TMED3: variants seen among roughly 807,000 people sequenced by gnomAD.
TMED3 encodes the protein transmembrane emp24 domain-containing protein 3.
A neutral mutation model predicts 15.0 loss-of-function variants in TMED3; 9 were observed. That is an observed-to-expected ratio of 0.60 (90% confidence interval 0.36 to 1.04). The LOEUF is 1.04. TMED3 is among the 50% of genes least tolerant of loss of function. The probability of loss-of-function intolerance (pLI) is 0.01; values close to 1 mark genes in which losing one functional copy is unlikely to be tolerated. For synonymous variants in TMED3, 117 were observed against 121.4 expected (o/e 0.96, Z 0.24); for missense variants, 267 against 278.9 (o/e 0.96, Z 0.30).
chr15:79,388,535 A>G (rs1893656883), intron 2 of TMED3, among the ~76,000 whole-genome samples: 1 of 152,074 alleles, frequency 6.6e-6, no homozygotes, highest in Non-Finnish European at 1.5e-5. Flanking sequence ...TGATTTTGCA[A>G]TTGCAAATTG....
intron 2 of TMED3, among the ~76,000 whole-genome samples, chr15:79,373,656 T>C (rs1014933128): frequency 2.6e-5 from 4 of 152,232 alleles, no homozygotes; most frequent in Non-Finnish European, 4.4e-5. Context: ...GGATTTATTC[T>C]GTGCCAAATA....
chr15:79,402,423 G>T (rs370455738), intron 2 of TMED3, among the ~76,000 whole-genome samples: 1 of 152,234 alleles, frequency 6.6e-6, no homozygotes, highest in Admixed American at 6.5e-5. Flanking sequence ...TAGAGCCAAG[G>T]CTTGGCACTG....
chr15:79,398,419 TC>T (rs59598333), intron 2 of TMED3, among the ~76,000 whole-genome samples: 5,045 of 152,146 alleles, frequency 0.033, 268 homozygotes, highest in African/African-American at 0.11. Context: ...TGCCCCAGCC[TC>T]CCTTGGAGAA....
At chr15:79,314,779 CA>C in intron 2 of TMED3, 1 of 266,638 alleles carries the variant, frequency 3.8e-6, no homozygotes. Context: ...GTCTGTCGCC[CA>C]TGGCTGTCAA....
chr15:79,329,516 G>T (rs2058799756), intron 2 of TMED3, among the ~76,000 whole-genome samples: 1 of 152,208 alleles, frequency 6.6e-6, no homozygotes, highest in South Asian at 2.1e-4. Context: ...TTTGTAAAAG[G>T]TATAACTGCC....
intron 2 of TMED3, among the ~76,000 whole-genome samples, chr15:79,386,310 C>A: frequency 6.6e-6 from 1 of 152,146 alleles, no homozygotes; most frequent in East Asian, 1.9e-4. Flanking sequence ...ATAAACAAAA[C>A]AAAATAACTT....
intron 2 of TMED3, among the ~76,000 whole-genome samples, chr15:79,403,219 T>C (rs1248828270): frequency 5.6e-5 from 1 of 17,968 alleles, no homozygotes; most frequent in Non-Finnish European, 1.1e-4. Context: ...GGACTCTGTC[T>C]CAAAAAAAAA....
intron 2 of TMED3, among the ~76,000 whole-genome samples, chr15:79,315,568 T>TG (rs1389234051): frequency 6.6e-6 from 1 of 152,190 alleles, no homozygotes; most frequent in African/African-American, 2.4e-5. Flanking sequence ...GAAAACAAAT[T>TG]GGTAGGAAAA....
downstream of TMED3, among the ~76,000 whole-genome samples, chr15:79,324,090 A>C (rs377754539): frequency 6.6e-6 from 1 of 152,136 alleles, no homozygotes; most frequent in Admixed American, 6.5e-5. Flanking sequence ...TCCTGGGTTT[A>C]CACCATTCTC....
At position 79,339,316 on chromosome 15, in the gene TMED3, G is replaced by C. The variant is rs548343432; in HGVS notation, c.417+25311G>C. 4.6e-5 allele frequency among the ~76,000 whole-genome samples: 7 copies of C among 152,212 alleles called. No homozygotes were observed. The South Asian group carries it at 1.5e-3, about 32-fold the overall frequency. ...ATCCAATAAATATCAGTGCAGCCTG[G>C]CATTCGGGGCCTCTACCGGTCTCTG... On this transcript the variant is annotated intron_variant, in intron 2 of 2. Coordinates refer to the TMED3 transcript ENST00000424155.
At position 79,337,226 on chromosome 15, in the gene TMED3, T is replaced by A. The variant is rs890681372; in HGVS notation, c.417+23221T>A. ...CAGGGTTGGTTTCTCCTGAGACCTCTCTCCTTGGCTTGCAGATGGCTGTCT... is the reference window on the plus strand; with the variant it reads ...CAGGGTTGGTTTCTCCTGAGACCTCACTCCTTGGCTTGCAGATGGCTGTCT... On this transcript the variant is annotated intron_variant, in intron 2 of 2. Transcript: ENST00000424155. Among the ~76,000 whole-genome samples, 16 of 152,332 alleles carry A rather than the reference T, an allele frequency of 1.1e-4. 1 individual carries two copies. In the South Asian group the frequency reaches 3.1e-3, roughly 30 times the overall value.
intron 2 of TMED3, among the ~76,000 whole-genome samples, chr15:79,391,572 A>G (rs1478443949): frequency 6.6e-6 from 1 of 152,174 alleles, no homozygotes; most frequent in Non-Finnish European, 1.5e-5. Flanking sequence ...TGTTCTGCAT[A>G]TATTTGTCAA....
chr15:79,393,458 T>C (rs1422167663), intron 2 of TMED3, among the ~76,000 whole-genome samples: 1 of 152,256 alleles, frequency 6.6e-6, no homozygotes, highest in African/African-American at 2.4e-5. Flanking sequence ...ATGAGCACTA[T>C]GCTGCCTATA....
chr15:79,315,924 A>G (rs1273157161), intron 2 of TMED3: 1 of 152,266 alleles, frequency 6.6e-6, no homozygotes, highest in Non-Finnish European at 1.5e-5. Context: ...CTGTAATTGA[A>G]GCGCCAGGAG....
chr15:79,383,793 T>C (rs1262144716), intron 2 of TMED3: 1 of 152,204 alleles, frequency 6.6e-6, no homozygotes, highest in African/African-American at 2.4e-5. Flanking sequence ...GTACAGACTA[T>C]CTGGCATGGC....
chr15:79,369,424 T>G (rs1247880217), intron 2 of TMED3, among the ~76,000 whole-genome samples: 1 of 152,188 alleles, frequency 6.6e-6, no homozygotes, highest in African/African-American at 2.4e-5. Context: ...CTTGCTGGCT[T>G]CCTCCCCTGC....
At chr15:79,406,441 T>G (rs117275025) in intron 2 of TMED3, among the ~76,000 whole-genome samples, 387 of 152,236 alleles carry the variant, frequency 2.5e-3, no homozygotes, top group Non-Finnish European at 4.5e-3. Context: ...ACCTTCCCCA[T>G]CCCCACTCTA....
chr15:79,345,846 A>G (rs1201756902), intron 2 of TMED3, among the ~76,000 whole-genome samples: 1 of 152,116 alleles, frequency 6.6e-6, no homozygotes, highest in Non-Finnish European at 1.5e-5. Flanking sequence ...AGCCATTCTG[A>G]CTGGTGTAAG....
At chr15:79,315,253 TAATTAA>T (rs888612423) in intron 2 of TMED3, among the ~76,000 whole-genome samples, 8 of 152,218 alleles carry the variant, frequency 5.3e-5, no homozygotes, top group African/African-American at 1.7e-4. Flanking sequence ...CTATTTAAAT[TAATTAA>T]AATTAAATTA....
Sources: gnomAD v4.1 joint callset for allele counts (sites outside exome capture counted in the v4.1 genomes callset) on GRCh38, gnomAD v4.1.1 for gene constraint, MANE v1.5 for transcripts, NCBI Gene and HGNC (gene_info 2026-07-23, HGNC 2026-07-21) for gene names.